Variants in ZRANB3 observed in about 807,000 individuals in gnomAD.
ZRANB3 encodes DNA annealing helicase and endonuclease ZRANB3.
ZRANB3 carries 125 observed loss-of-function variants against 133.8 expected under a neutral mutation model. That is an observed-to-expected ratio of 0.93 (90% CI 0.81 to 1.08). ZRANB3 has a LOEUF of 1.08. Ranked by LOEUF, ZRANB3 falls within the 50% of genes least tolerant of loss-of-function variation. The probability of loss-of-function intolerance (pLI) is 0.00; values close to 1 mark genes in which losing one functional copy is unlikely to be tolerated. For synonymous variants in ZRANB3, 387 were observed against 432.7 expected (o/e 0.89, Z 1.31); for missense variants, 1,229 against 1,275.5 (o/e 0.96, Z 0.56).
chr2:135,385,022 G>T lies in ZRANB3; in HGVS notation c.180+5780C>A, dbSNP rs150627915. On this transcript the variant is annotated intron_variant, in intron 3 of 20. Coordinates refer to ENST00000264159, the MANE Select transcript of ZRANB3 (RefSeq NM_032143.4). ...AATAAGGCAGGAGAAAGAAATAAAG[G>T]GTATTGAAATAGGAAAAGAGGAAGT... Among the ~76,000 whole-genome samples the T allele has an allele frequency of 3.0e-3, 454 of 152,184 alleles. 2 individuals carry two copies. Among genetic ancestry groups the T allele is most frequent in the African/African-American group, 0.01 (430 of 41,522 alleles).
intron 2 of ZRANB3, among the ~76,000 whole-genome samples, chr2:135,405,202 A>G (rs1574050039): frequency 6.6e-6 from 1 of 152,218 alleles, no homozygotes; most frequent in African/African-American, 2.4e-5. Flanking sequence ...TTAAACCAAC[A>G]AAGATCAAAA....
At chr2:135,406,296 C>A (rs1264963628) in intron 2 of ZRANB3, among the ~76,000 whole-genome samples, 3 of 152,082 alleles carry the variant, frequency 2.0e-5, no homozygotes, top group Admixed American at 6.6e-5. Flanking sequence ...TCTGAATAGA[C>A]CAAAAACAGG....
chr2:135,207,451 T>C lies in ZRANB3; in HGVS notation c.2992A>G (p.Lys998Glu), dbSNP rs1182410289. 1.9e-6 allele frequency: 3 copies of C among 1,611,068 alleles called. No individual in the cohort carries two copies. In the South Asian group the frequency reaches 3.3e-5, roughly 18 times the overall value. Reference protein sequence around the residue: ...KNLLYATWTSKLPLEQLNEMI... With the variant: ...KNLLYATWTSELPLEQLNEMI... ...TAACTTACCTGTTCTAATGGGAGCT[T>C]TGAAGTCCAGGTAGCATACAGAAGA... Residue 998 changes from lysine to glutamate, a missense_variant, in exon 19 of 21, where the codon AAG becomes GAG. Lys to Glu is a moderately conservative substitution (Grantham distance 56). Coordinates refer to ENST00000264159, the MANE Select transcript of ZRANB3 (RefSeq NM_032143.4).
intron 2 of ZRANB3, among the ~76,000 whole-genome samples, chr2:135,409,454 A>T (rs1688204819): frequency 6.6e-6 from 1 of 152,148 alleles, no homozygotes; most frequent in African/African-American, 2.4e-5. Flanking sequence ...GATAAAAAAA[A>T]ACTCTCAACA....
chr2:135,463,949 A>G (rs1310753917), intron 2 of ZRANB3, among the ~76,000 whole-genome samples: 1 of 152,162 alleles, frequency 6.6e-6, no homozygotes, highest in Non-Finnish European at 1.5e-5. Flanking sequence ...TAAAACCATG[A>G]GCTTCTACAT....
intron 8 of ZRANB3, among the ~76,000 whole-genome samples, chr2:135,308,136 G>A (rs999179975): frequency 6.6e-6 from 1 of 152,124 alleles, no homozygotes; most frequent in Non-Finnish European, 1.5e-5. Flanking sequence ...TGGTGTTCCT[G>A]TCCCCCACCA....
At chr2:135,491,064 C>T (rs1483918977) in intron 2 of ZRANB3, among the ~76,000 whole-genome samples, 2 of 152,040 alleles carry the variant, frequency 1.3e-5, no homozygotes, top group Non-Finnish European at 1.5e-5. Context: ...TAATACCTAA[C>T]GTTTGGTAGA....
chr2:135,391,371 T>C (rs538275758), intron 2 of ZRANB3, among the ~76,000 whole-genome samples: 2 of 152,214 alleles, frequency 1.3e-5, no homozygotes, highest in East Asian at 1.9e-4. Flanking sequence ...TGAAGATAGT[T>C]ACAATGACCC....
At chr2:135,467,616 T>C (rs1240720351) in intron 2 of ZRANB3, among the ~76,000 whole-genome samples, 1 of 152,194 alleles carries the variant, frequency 6.6e-6, no homozygotes, top group African/African-American at 2.4e-5. Flanking sequence ...ACTTTCTAAT[T>C]GTCTCTCTTT....
At chr2:135,378,039 T>C (rs896687783) in intron 3 of ZRANB3, among the ~76,000 whole-genome samples, 2 of 152,226 alleles carry the variant, frequency 1.3e-5, no homozygotes, top group South Asian at 2.1e-4. Context: ...AGTTCTTCAG[T>C]TGTGGAACTA....
intron 13 of ZRANB3, among the ~76,000 whole-genome samples, chr2:135,228,640 T>C (rs965527832): frequency 1.3e-5 from 2 of 152,066 alleles, no homozygotes; most frequent in African/African-American, 4.8e-5. Flanking sequence ...CAAGATTTAT[T>C]TGGAGGTTAC....
chr2:135,513,543 C>T (rs1693565771), intron 1 of ZRANB3, among the ~76,000 whole-genome samples: 1 of 152,076 alleles, frequency 6.6e-6, no homozygotes, highest in East Asian at 1.9e-4. Context: ...CCTCATGCTG[C>T]ATATGAAAAT....
chr2:135,454,210 G>C (rs1690395289), intron 2 of ZRANB3, among the ~76,000 whole-genome samples: 1 of 152,166 alleles, frequency 6.6e-6, no homozygotes, highest in South Asian at 2.1e-4. Flanking sequence ...TGTGTTAATA[G>C]GAAATATTGG....
intron 6 of ZRANB3, among the ~76,000 whole-genome samples, chr2:135,325,188 C>A (rs752606110): frequency 5.3e-5 from 8 of 151,994 alleles, no homozygotes; most frequent in South Asian, 4.1e-4. Context: ...CACAGAATAG[C>A]CAAAACAACC....
At chr2:135,485,687 T>C (rs1371990409) in intron 2 of ZRANB3, among the ~76,000 whole-genome samples, 1 of 152,124 alleles carries the variant, frequency 6.6e-6, no homozygotes, top group African/African-American at 2.4e-5. Context: ...GCTAATGTCG[T>C]AAAAAGGTGA....
intron 8 of ZRANB3, among the ~76,000 whole-genome samples, chr2:135,296,547 A>C (rs139028111): frequency 0.028 from 4,192 of 151,686 alleles, 88 homozygotes; most frequent in South Asian, 0.044. Context: ...AGCTCTGAGT[A>C]GTTTGATCTT....
At chr2:135,487,899 C>G (rs1574187795) in intron 2 of ZRANB3, among the ~76,000 whole-genome samples, 1 of 152,208 alleles carries the variant, frequency 6.6e-6, no homozygotes, top group East Asian at 1.9e-4. Context: ...AAGAACTTTT[C>G]CTTTGCAATC....
chr2:135,462,058 TAGA>T (rs1430392202), intron 2 of ZRANB3, among the ~76,000 whole-genome samples: 2 of 152,274 alleles, frequency 1.3e-5, no homozygotes, highest in African/African-American at 4.8e-5. Context: ...GAATTCAAAA[TAGA>T]AGGCAAATGC....
chr2:135,290,709 C>T (rs1300919751), intron 8 of ZRANB3, among the ~76,000 whole-genome samples: 1 of 150,880 alleles, frequency 6.6e-6, no homozygotes, highest in African/African-American at 2.4e-5. Context: ...TTTACAGGCC[C>T]TGTGAGATTT....
Sources: gnomAD v4.1 joint callset for allele counts (sites outside exome capture counted in the v4.1 genomes callset) on GRCh38, gnomAD v4.1.1 for gene constraint, MANE v1.5 for transcripts, NCBI Gene and HGNC (gene_info 2026-07-23, HGNC 2026-07-21) for gene names.